Variants in GRAMD1B observed in about 807,000 individuals in gnomAD.
GRAMD1B encodes protein Aster-B.
A neutral mutation model predicts 99.7 loss-of-function variants in GRAMD1B; 37 were observed. The observed-to-expected ratio is 0.37, with a 90% confidence interval of 0.29 to 0.49. GRAMD1B has a LOEUF of 0.49. GRAMD1B is among the 20% of genes least tolerant of loss of function. The pLI, the probability that GRAMD1B is intolerant of heterozygous loss-of-function variation, is 0.98. For synonymous variants in GRAMD1B, 427 were observed against 387.6 expected (o/e 1.10, Z -1.19); for missense variants, 888 against 1,009.2 (o/e 0.88, Z 1.63).
chr11:123,474,315 G>A (rs1951158457), intron 1 of GRAMD1B, among the ~76,000 whole-genome samples: 1 of 152,006 alleles, frequency 6.6e-6, no homozygotes, highest in Non-Finnish European at 1.5e-5. Context: ...AGTCTTTTAA[G>A]GCATGCATTA....
chr11:123,596,115 G>A (rs780631082), intron 7 of GRAMD1B, 78 bp downstream of exon 7: 7 of 782,168 alleles, frequency 8.9e-6, no homozygotes, highest in African/African-American at 1.7e-5. Context: ...TTCTTGAATC[G>A]CATGAATGTG....
chr11:123,400,163 T>C (rs1225880491), intron 1 of GRAMD1B, among the ~76,000 whole-genome samples: 4 of 152,172 alleles, frequency 2.6e-5, no homozygotes, highest in East Asian at 1.9e-4. Context: ...CAGAACACCA[T>C]AGACCGGATA....
Position 123,598,363 on chromosome 11 carries a change from T to C in GRAMD1B, c.970-2105T>C, listed in dbSNP as rs571972477. The C allele has an allele frequency of 7.4e-6, 8 of 1,081,170 alleles. No homozygotes were observed. In the South Asian group the frequency reaches 1.0e-4, roughly 13 times the overall value. 67.0% of individuals were successfully genotyped at this position (1,081,170 alleles called of 1,614,324 possible). ...TCATCTTCACTCTAACTCTCACTGA[T>C]TTGCTCTTTTTCGTCTTCCTCTCGC... On this transcript the variant is annotated intron_variant, in intron 7 of 19. Coordinates refer to ENST00000635736, the MANE Select transcript of GRAMD1B (RefSeq NM_001387025.1).
intron 12 of GRAMD1B, among the ~76,000 whole-genome samples, chr11:123,609,550 GC>G (rs1953244997): frequency 2.0e-5 from 3 of 152,310 alleles, no homozygotes; most frequent in South Asian, 4.1e-4. Context: ...TCCTGTCCCA[GC>G]CCCAGGAACA....
chr11:123,448,226 C>T (rs1384152125), intron 1 of GRAMD1B, among the ~76,000 whole-genome samples: 1 of 151,932 alleles, frequency 6.6e-6, no homozygotes, highest in Non-Finnish European at 1.5e-5. Flanking sequence ...CTCGCTCACT[C>T]TCTTTCTCAC....
At chr11:123,491,772 A>T (rs1038139345) in intron 2 of GRAMD1B, 7 of 398,072 alleles carry the variant, frequency 1.8e-5, no homozygotes, top group Non-Finnish European at 3.1e-5. Flanking sequence ...AAGGGCAGCA[A>T]GTCCACGCAG....
In GRAMD1B at chr11:123,613,563, A is replaced by G. The variant is rs894915963; in HGVS notation, c.2132A>G (p.His711Arg). The G allele has an allele frequency of 6.2e-7, 1 of 1,613,702 alleles. No individual in the cohort carries two copies. Among genetic ancestry groups the G allele is most frequent in the African/African-American group, 1.3e-5 (1 of 74,898 alleles). The change falls in exon 16 of 20, where the codon CAT (histidine) becomes CGT (arginine). Residue 711 changes from histidine to arginine, a missense_variant. By Grantham distance (29) the His-to-Arg change is conservative. Transcript: ENST00000635736. Reference sequence around the variant, plus strand: ...ACGGTGCGGAGGAGGAAGCGTCCCCATGCCCACCTGCGAGTCCCTCACCTG... The same window carrying G: ...ACGGTGCGGAGGAGGAAGCGTCCCCGTGCCCACCTGCGAGTCCCTCACCTG... Reference protein sequence around the residue: ...TTTVRRRKRPHAHLRVPHLEE... With the variant: ...TTTVRRRKRPRAHLRVPHLEE...
At chr11:123,411,252 C>T (rs1404412329) in intron 1 of GRAMD1B, among the ~76,000 whole-genome samples, 2 of 152,082 alleles carry the variant, frequency 1.3e-5, no homozygotes, top group South Asian at 2.1e-4. Flanking sequence ...GATCCGCCCC[C>T]CTCAGCCTCC....
chr11:123,475,705 G>A (rs187645353), intron 1 of GRAMD1B, among the ~76,000 whole-genome samples: 45 of 152,288 alleles, frequency 3.0e-4, no homozygotes, highest in Admixed American at 2.6e-3. Flanking sequence ...AGTTTCATCT[G>A]TTAGTGCCCT....
At chr11:123,494,725 A>G (rs1451542877) in intron 2 of GRAMD1B, among the ~76,000 whole-genome samples, 1 of 152,174 alleles carries the variant, frequency 6.6e-6, no homozygotes, top group Non-Finnish European at 1.5e-5. Flanking sequence ...GACAACTGGC[A>G]GGATGGATGG....
At chr11:123,538,137 G>A (rs2135653470) in intron 2 of GRAMD1B, among the ~76,000 whole-genome samples, 1 of 152,174 alleles carries the variant, frequency 6.6e-6, no homozygotes, top group East Asian at 1.9e-4. Flanking sequence ...TTTGCTGCAT[G>A]AAAAACATAT....
intron 4 of GRAMD1B, among the ~76,000 whole-genome samples, chr11:123,584,566 C>G (rs1592137155): frequency 6.6e-6 from 1 of 152,054 alleles, no homozygotes; most frequent in Middle Eastern, 3.4e-3. Flanking sequence ...TATCCCCTGC[C>G]TCACCTAGGC....
intron 1 of GRAMD1B, among the ~76,000 whole-genome samples, chr11:123,404,439 C>T (rs1445036368): frequency 6.6e-6 from 1 of 152,180 alleles, no homozygotes; most frequent in African/African-American, 2.4e-5. Context: ...TGACTGTTTT[C>T]AATAGAATAA....
intron 2 of GRAMD1B, among the ~76,000 whole-genome samples, chr11:123,531,030 G>A (rs1423568969): frequency 6.6e-6 from 1 of 152,198 alleles, no homozygotes; most frequent in Non-Finnish European, 1.5e-5. Flanking sequence ...GATAGAGCAG[G>A]TTGCTAGTGA....
chr11:123,397,546 C>T (rs897140395), intron 1 of GRAMD1B, among the ~76,000 whole-genome samples: 3 of 152,210 alleles, frequency 2.0e-5, no homozygotes, highest in African/African-American at 7.2e-5. Context: ...GGCTCTCACT[C>T]AGGCTGGAGT....
chr11:123,390,393 G>A (rs1351947899), intron 1 of GRAMD1B, among the ~76,000 whole-genome samples: 1 of 152,126 alleles, frequency 6.6e-6, no homozygotes, highest in African/African-American at 2.4e-5. Context: ...CTGGCACTCT[G>A]TACGCATCAC....
intron 1 of GRAMD1B, among the ~76,000 whole-genome samples, chr11:123,411,387 C>T (rs1015374455): frequency 6.6e-5 from 10 of 151,992 alleles, no homozygotes; most frequent in African/African-American, 1.9e-4. Context: ...TGGCATATAG[C>T]AGGTATAATA....
At chr11:123,497,349 A>G (rs780728061) in intron 2 of GRAMD1B, among the ~76,000 whole-genome samples, 3 of 152,096 alleles carry the variant, frequency 2.0e-5, no homozygotes, top group Non-Finnish European at 4.4e-5. Flanking sequence ...CACCATGGGG[A>G]CTGCACTGGT....
intron 1 of GRAMD1B, among the ~76,000 whole-genome samples, chr11:123,397,723 G>T (rs925058179): frequency 2.6e-5 from 4 of 152,052 alleles, no homozygotes; most frequent in Non-Finnish European, 4.4e-5. Flanking sequence ...AGCCCAGGCT[G>T]GTCTCGAACT....
Sources: gnomAD v4.1 joint callset for allele counts (sites outside exome capture counted in the v4.1 genomes callset) on GRCh38, gnomAD v4.1.1 for gene constraint, MANE v1.5 for transcripts, NCBI Gene and HGNC (gene_info 2026-07-23, HGNC 2026-07-21) for gene names.